Variants in ARHGEF9 observed in about 807,000 individuals in gnomAD.
ARHGEF9 encodes the protein rho guanine nucleotide exchange factor 9.
ARHGEF9 carries 2 observed loss-of-function variants against 41.3 expected under a neutral mutation model. The ratio of observed to expected loss-of-function variants is 0.05; its 90% confidence interval spans 0.02 to 0.15. ARHGEF9 has a LOEUF of 0.15. ARHGEF9 is among the 10% of genes least tolerant of loss of function. The probability of loss-of-function intolerance (pLI) is 1.00; values close to 1 mark genes in which losing one functional copy is unlikely to be tolerated. For missense variants in ARHGEF9, 225 were observed against 424.7 expected, an observed-to-expected ratio of 0.53 and a Z score of 4.13; for synonymous variants, 160 against 154.4, an observed-to-expected ratio of 1.04 and a Z score of -0.27.
At chrX:63,703,615 G>A (rs1157318865) in intron 3 of ARHGEF9, among the ~76,000 whole-genome samples, 1 of 111,927 alleles carries the variant, frequency 8.9e-6, no homozygotes, top group African/African-American at 3.3e-5. Flanking sequence ...GCACTGTGCT[G>A]GGGGAATATA....
chrX:63,754,907 A>AAG, intron 1 of ARHGEF9: 2 of 939,591 alleles, frequency 2.1e-6, no homozygotes, highest in Non-Finnish European at 2.6e-6. Context: ...TTCAAAGGGA[A>AAG]AGGCGGGGGG....
intron 1 of ARHGEF9, among the ~76,000 whole-genome samples, chrX:63,730,018 C>T (rs2054187591): frequency 8.9e-6 from 1 of 111,743 alleles, no homozygotes; most frequent in Non-Finnish European, 1.9e-5. Context: ...TGATTTTTAA[C>T]CTAGAAATAT....
At chrX:63,745,626 T>A (rs1331274803) in intron 1 of ARHGEF9, among the ~76,000 whole-genome samples, 1 of 111,352 alleles carries the variant, frequency 9.0e-6, no homozygotes, top group Non-Finnish European at 1.9e-5. Flanking sequence ...GACCCATCCC[T>A]TTCCCCTCCT....
At chrX:63,739,545 A>C (rs2054825703) in intron 1 of ARHGEF9, among the ~76,000 whole-genome samples, 1 of 111,702 alleles carries the variant, frequency 9.0e-6, no homozygotes, top group African/African-American at 3.3e-5. Flanking sequence ...GGGCCAGAGT[A>C]CATTGGGTTG....
At chrX:63,784,655 TG>T (rs2056432565) in intron 1 of ARHGEF9, among the ~76,000 whole-genome samples, 1 of 111,259 alleles carries the variant, frequency 9.0e-6, no homozygotes, top group Non-Finnish European at 1.9e-5. Context: ...AAAATCTAGT[TG>T]GGGGCAGGGG....
chrX:63,722,781 CCT>C (rs2053714558), intron 2 of ARHGEF9: 1 of 111,943 alleles, frequency 8.9e-6, no homozygotes, highest in African/African-American at 3.3e-5. Flanking sequence ...GCGTACAGGG[CCT>C]CACATTAGTC....
At chrX:63,641,544 C>A (rs1215128226) in intron 9 of ARHGEF9, 1 of 111,259 alleles carries the variant, frequency 9.0e-6, no homozygotes, top group African/African-American at 3.3e-5. Flanking sequence ...AAATGCTTGG[C>A]ATGAGTTAGC....
At chrX:63,670,312 C>T (rs2049868619) in intron 6 of ARHGEF9, 1 of 111,648 alleles carries the variant, frequency 9.0e-6, no homozygotes, top group Non-Finnish European at 1.9e-5. Context: ...CATCAAGCCA[C>T]TTTAGCTTTT....
intron 9 of ARHGEF9, chrX:63,642,085 TATA>T (rs2047673070): frequency 9.0e-6 from 1 of 111,106 alleles, no homozygotes; most frequent in South Asian, 3.8e-4. Context: ...AATAAACTCA[TATA>T]AACTCATATA....
intron 2 of ARHGEF9, among the ~76,000 whole-genome samples, chrX:63,720,344 A>T (rs1372925652): frequency 8.9e-6 from 1 of 112,178 alleles, no homozygotes; most frequent in African/African-American, 3.2e-5. Flanking sequence ...TTGCAAAAAT[A>T]GTTGGAAAAA....
At chrX:63,735,503 G>A (rs782433740) in intron 1 of ARHGEF9, among the ~76,000 whole-genome samples, 2 of 111,653 alleles carry the variant, frequency 1.8e-5, no homozygotes, top group Non-Finnish European at 3.8e-5. Flanking sequence ...GTCAGATGTC[G>A]TGTTAAAATC....
chrX:63,648,215 C>T (rs1306118390), intron 8 of ARHGEF9, among the ~76,000 whole-genome samples: 1 of 111,287 alleles, frequency 9.0e-6, no homozygotes, highest in Non-Finnish European at 1.9e-5. Context: ...GTCGGGTCAC[C>T]CACAAAAGGA....
chrX:63,730,803 T>A (rs1347426428), intron 1 of ARHGEF9, among the ~76,000 whole-genome samples: 1 of 111,754 alleles, frequency 8.9e-6, no homozygotes, highest in Admixed American at 9.4e-5. Context: ...CTTCCTCAGT[T>A]GTTGGTAAAT....
intron 1 of ARHGEF9, among the ~76,000 whole-genome samples, chrX:63,734,963 T>C (rs1253867232): frequency 1.8e-5 from 2 of 111,124 alleles, no homozygotes; most frequent in Non-Finnish European, 3.8e-5. Flanking sequence ...GAACATGCCA[T>C]CTCAAGCTTG....
In ARHGEF9 at chrX:63,647,341, C is replaced by T. The variant is rs191387509; in HGVS notation, c.1322-3293G>A. Among the ~76,000 whole-genome samples, 266 of 111,780 alleles carry T rather than the reference C, an allele frequency of 2.4e-3. 1 individual carries two copies. The highest frequency in any genetic ancestry group is 8.3e-3 in the African/African-American group (254 of 30,750). On this transcript the variant is annotated intron_variant, in intron 8 of 9. Transcript: ENST00000671741. Reference sequence around the variant, plus strand: ...AAAGGGAATGCTTCCAGTTTTTGCCCATTCGGTATGATATCGGCTGTGGGT... The same window carrying T: ...AAAGGGAATGCTTCCAGTTTTTGCCTATTCGGTATGATATCGGCTGTGGGT...
chrX:63,755,108 C>G (rs1307475181), intron 1 of ARHGEF9: 1 of 937,458 alleles, frequency 1.1e-6, no homozygotes, highest in African/African-American at 2.0e-5. Flanking sequence ...GGCCCTATCC[C>G]TCTTCTCTCC....
chrX:63,663,005 C>T (rs1556343279), intron 7 of ARHGEF9, among the ~76,000 whole-genome samples: 1 of 111,635 alleles, frequency 9.0e-6, no homozygotes, highest in Non-Finnish European at 1.9e-5. Flanking sequence ...TAACATCATA[C>T]TTAAGTTCTG....
intron 4 of ARHGEF9, among the ~76,000 whole-genome samples, chrX:63,696,679 C>T (rs1315300296): frequency 4.5e-5 from 5 of 111,422 alleles, no homozygotes; most frequent in African/African-American, 1.6e-4. Context: ...TACTGAGTCT[C>T]ATGGAAACTT....
At chrX:63,655,462 C>T (rs782176476) in intron 8 of ARHGEF9, 32 bp downstream of exon 8, 63 of 1,208,397 alleles carry the variant, frequency 5.2e-5, no homozygotes, top group Non-Finnish European at 7.0e-5. Flanking sequence ...TCTTCATAGC[C>T]ATGTTCTTCT....
Sources: gnomAD v4.1 joint callset for allele counts (sites outside exome capture counted in the v4.1 genomes callset) on GRCh38, gnomAD v4.1.1 for gene constraint, MANE v1.5 for transcripts, NCBI Gene and HGNC (gene_info 2026-07-23, HGNC 2026-07-21) for gene names.